CDH12: variants seen among roughly 807,000 people sequenced by gnomAD.
The protein encoded by CDH12 is cadherin 12.
A neutral mutation model predicts 74.1 loss-of-function variants in CDH12; 41 were observed. The ratio of observed to expected loss-of-function variants is 0.55; its 90% CI spans 0.43 to 0.72. CDH12 has a LOEUF of 0.72. Among genes scored for constraint, CDH12 ranks in the 30% least tolerant of loss-of-function variants. CDH12 has a pLI of 0.00. For synonymous variants in CDH12, 399 were observed against 355.0 expected, an observed-to-expected ratio of 1.12 and a Z score of -1.39; for missense variants, 945 against 977.2, an observed-to-expected ratio of 0.97 and a Z score of 0.44.
intron 1 of CDH12, among the ~76,000 whole-genome samples, chr5:22,792,746 G>T (rs1332930446): frequency 6.6e-6 from 1 of 152,182 alleles, no homozygotes; most frequent in East Asian, 1.9e-4. Flanking sequence ...CTCTGACCAA[G>T]TGTGGTCAGG....
chr5:22,095,145 T>G (rs988848021), intron 4 of CDH12, among the ~76,000 whole-genome samples: 1 of 152,122 alleles, frequency 6.6e-6, no homozygotes, highest in African/African-American at 2.4e-5. Flanking sequence ...ATGAAAAAGA[T>G]CCACCTACGA....
chr5:22,535,895 A>T (rs577926291), intron 1 of CDH12, among the ~76,000 whole-genome samples: 2 of 152,348 alleles, frequency 1.3e-5, no homozygotes, highest in Admixed American at 1.3e-4. Context: ...TTTTTAAAAA[A>T]TTGCGTTGGT....
At chr5:22,382,909 C>T (rs1741831147) in intron 3 of CDH12, among the ~76,000 whole-genome samples, 1 of 152,278 alleles carries the variant, frequency 6.6e-6, no homozygotes, top group Admixed American at 6.5e-5. Context: ...CAGCTCACTG[C>T]AACCTCTGCC....
At chr5:21,954,726 G>A (rs534288672) in intron 6 of CDH12, among the ~76,000 whole-genome samples, 2 of 152,064 alleles carry the variant, frequency 1.3e-5, no homozygotes, top group East Asian at 3.9e-4. Context: ...AAACAGGAGG[G>A]GTTTTAATAC....
chr5:22,016,378 A>G (rs1737607240), intron 5 of CDH12, among the ~76,000 whole-genome samples: 2 of 151,972 alleles, frequency 1.3e-5, no homozygotes. Context: ...CATTTATAGA[A>G]TCACTTATAT....
rs547829007 is a variant in CDH12 at position 22,156,045 on chromosome 5, C to T, written c.-187+56453G>A. ...CCTGAGGTGGAGCCATGCAGGTTTG[C>T]ATCTTTGCTTACTGATATATATATA... On this transcript the variant is annotated intron_variant, in intron 4 of 14. Transcript: ENST00000382254. 1.8e-4 allele frequency among the ~76,000 whole-genome samples: 28 copies of T among 152,206 alleles called. No homozygotes were observed. In the South Asian group the frequency reaches 5.4e-3, roughly 29 times the overall value.
At chr5:21,943,312 C>T (rs1183861021) in intron 6 of CDH12, among the ~76,000 whole-genome samples, 2 of 152,148 alleles carry the variant, frequency 1.3e-5, no homozygotes, top group Non-Finnish European at 2.9e-5. Flanking sequence ...TTAGCATTTA[C>T]AAAGTTTACA....
intron 6 of CDH12, among the ~76,000 whole-genome samples, chr5:21,923,880 C>G (rs142137887): frequency 2.0e-5 from 3 of 152,248 alleles, no homozygotes; most frequent in African/African-American, 4.8e-5. Flanking sequence ...CAAAATTTCT[C>G]TTTTGCAAAT....
chr5:22,162,749 T>G (rs187535751), intron 4 of CDH12, among the ~76,000 whole-genome samples: 2,027 of 152,290 alleles, frequency 0.013, 46 homozygotes, highest in African/African-American at 0.046. Context: ...GTTTGTCAGC[T>G]GCTCTAGTAC....
chr5:22,281,544 C>T (rs565032924), intron 3 of CDH12, among the ~76,000 whole-genome samples: 4 of 152,110 alleles, frequency 2.6e-5, no homozygotes, highest in Admixed American at 2.0e-4. Flanking sequence ...ATAAAATCAA[C>T]GTGCAAAAAT....
chr5:22,153,625 A>G (rs944570198), intron 4 of CDH12, among the ~76,000 whole-genome samples: 2 of 151,122 alleles, frequency 1.3e-5, no homozygotes. Flanking sequence ...TGGGAGTTAC[A>G]GTGGTATTAT....
intron 1 of CDH12, among the ~76,000 whole-genome samples, chr5:22,564,273 T>C (rs1739194643): frequency 6.6e-6 from 1 of 152,232 alleles, no homozygotes; most frequent in Admixed American, 6.5e-5. Flanking sequence ...TTTGGAGTTC[T>C]AACTTGGCTG....
intron 4 of CDH12, among the ~76,000 whole-genome samples, chr5:22,096,611 TC>T (rs1743797341): frequency 6.6e-6 from 1 of 152,040 alleles, no homozygotes. Context: ...CTACTAGCCC[TC>T]CCCCACCTGC....
rs192430396 is a variant in CDH12 at position 22,842,233 on chromosome 5, G to A, written c.-523+10825C>T. ...AAAATGCAAACACGTTACCTGAAAT[G>A]TATAATGTTAAATATGCAATCTAAA... On this transcript the variant is annotated intron_variant, in intron 1 of 14. Transcript: ENST00000382254. Among the ~76,000 whole-genome samples, 3 of 152,110 alleles carry A rather than the reference G, an allele frequency of 2.0e-5. No individual in the cohort carries two copies. The South Asian group carries it at 6.2e-4, about 32-fold the overall frequency.
At chr5:22,164,696 G>A (rs1748578696) in intron 4 of CDH12, among the ~76,000 whole-genome samples, 1 of 151,570 alleles carries the variant, frequency 6.6e-6, no homozygotes, top group African/African-American at 2.4e-5. Context: ...GTGCTCTCAG[G>A]CAATAGATGA....
At chr5:22,524,282 T>C (rs540495860) in intron 1 of CDH12, among the ~76,000 whole-genome samples, 1 of 152,306 alleles carries the variant, frequency 6.6e-6, no homozygotes, top group East Asian at 1.9e-4. Flanking sequence ...ACACTGCACC[T>C]GGCCTCATTT....
At chr5:22,078,951 A>C in intron 4 of CDH12, 89 bp from the exon 5 acceptor site, 1 of 531,278 alleles carries the variant, frequency 1.9e-6, no homozygotes, top group Non-Finnish European at 2.7e-6. Flanking sequence ...CCAACATTTA[A>C]GGAAACCGAG....
intron 1 of CDH12, among the ~76,000 whole-genome samples, chr5:22,806,608 C>T (rs1748827551): frequency 6.6e-6 from 1 of 152,098 alleles, no homozygotes; most frequent in African/African-American, 2.4e-5. Context: ...CCCGCCTCGG[C>T]CTCCCAAAGT....
chr5:22,621,233 C>A (rs756727602), intron 1 of CDH12, among the ~76,000 whole-genome samples: 3 of 152,136 alleles, frequency 2.0e-5, no homozygotes, highest in Non-Finnish European at 4.4e-5. Flanking sequence ...CTGGGCCAAC[C>A]AGGAAATTCT....
Sources: allele counts gnomAD v4.1 joint callset (sites outside exome capture counted in the v4.1 genomes callset), GRCh38; gene constraint gnomAD v4.1.1; transcripts MANE v1.5; gene names NCBI Gene and HGNC (gene_info 2026-07-23, HGNC 2026-07-21).